Variants in SZRD1 observed in about 807,000 individuals in gnomAD.
SZRD1 encodes the protein SUZ RNA-binding domain-containing.
Under a neutral mutation model 17.6 loss-of-function variants are expected in SZRD1, and 7 were observed. The observed-to-expected ratio is 0.40, with a 90% CI of 0.23 to 0.75. The LOEUF is 0.75. SZRD1 is among the 30% of genes least tolerant of loss of function. The pLI, the probability that SZRD1 is intolerant of heterozygous loss-of-function variation, is 0.38. For missense variants in SZRD1, 178 were observed against 201.8 expected (o/e 0.88, Z 0.71); for synonymous variants, 77 against 77.9 (o/e 0.99, Z 0.06).
intron 1 of SZRD1, among the ~76,000 whole-genome samples, chr1:16,368,231 C>G (rs1319420447): frequency 6.6e-6 from 1 of 151,920 alleles, no homozygotes; most frequent in African/African-American, 2.4e-5. Context: ...TTTTTGTCTC[C>G]CCGTGTTCGC....
chr1:16,395,137 A>T lies in SZRD1; in HGVS notation c.456A>T (p.Arg152Ser), dbSNP rs775748567. 4.3e-6 allele frequency: 7 copies of T among 1,610,224 alleles called. No individual in the cohort carries two copies. In the Admixed American group the frequency reaches 1.0e-4, roughly 23 times the overall value. ...PDGSQGFKQRR is the reference protein window; with the variant it reads ...PDGSQGFKQRS ...GGTCTCAAGGCTTCAAACAGCGCAGATAAATGCAGGCAAGAAAAGATGCCG... is the reference window on the plus strand; with the variant it reads ...GGTCTCAAGGCTTCAAACAGCGCAGTTAAATGCAGGCAAGAAAAGATGCCG... The change falls in exon 4 of 4, where the codon AGA (arginine) becomes AGT (serine). Residue 152 changes from arginine (R) to serine (S), a missense_variant. Coordinates refer to ENST00000401088, the MANE Select transcript of SZRD1 (RefSeq NM_001114600.3).
chr1:16,390,657 G>GT (rs2085208436), intron 1 of SZRD1: 1 of 152,260 alleles, frequency 6.6e-6, no homozygotes, highest in East Asian at 1.9e-4. Context: ...GTTCAAGTCC[G>GT]TAACAGTAAA....
chr1:16,393,254 T>C lies in SZRD1; in HGVS notation c.128T>C (p.Val43Ala). 1.2e-6 allele frequency: 2 copies of C among 1,614,140 alleles called. No homozygotes were observed. Among genetic ancestry groups the C allele is most frequent in the Non-Finnish European group, 1.7e-6 (2 of 1,179,994 alleles). The stretch of plus-strand genomic sequence containing the variant: ...AGGAAATCCAAATCTCCTCCCAAAG[T>C]GCCCATTGTGATTCAGGACGATAGC... ...ESRKSKSPPKVPIVIQDDSLP... is the reference protein window; with the variant it reads ...ESRKSKSPPKAPIVIQDDSLP... The change falls in exon 3 of 4, where the codon GTG becomes GCG. Residue 43 changes from valine to alanine, a missense_variant. By Grantham distance (64) the Val-to-Ala change is moderately conservative. Around this residue, in one of 3 missense-constraint regions of SZRD1, gnomAD observed 117 missense variants for 108.7 expected, o/e 1.08. Transcript: ENST00000401088. This position sits in a 1 kb window ranked among gnomAD's most constrained non-coding sequence, Gnocchi z 5.6.
At position 16,391,551 on chromosome 1, in the gene SZRD1, C is replaced by T; in HGVS notation, c.101+127C>T. The T allele has an allele frequency of 2.6e-6, 2 of 783,558 alleles. No individual in the cohort carries two copies. The highest frequency in any genetic ancestry group is 4.1e-6 in the Non-Finnish European group (2 of 482,808). 48.5% of individuals were successfully genotyped at this position (783,558 alleles called of 1,614,324 possible). A position where few individuals can be genotyped will look rare whatever the true frequency, so the allele number is the denominator to read the frequency against. ...CAGGTCAGGCTCTGGGGCAGCAAAC[C>T]CTTCCCTCCAAATTGGAGACCAGGA... On this transcript the variant is annotated intron_variant, in intron 2 of 3. Transcript: ENST00000401088. This position sits in a 1 kb window ranked among gnomAD's most constrained non-coding sequence, Gnocchi z 4.3.
intron 2 of SZRD1, among the ~76,000 whole-genome samples, chr1:16,392,095 C>T (rs934322727): frequency 1.3e-5 from 2 of 152,092 alleles, no homozygotes; most frequent in African/African-American, 2.4e-5. Context: ...GTGCTCTGCC[C>T]GCCCGCTAGT....
rs759313516 is a variant in SZRD1 at position 16,393,805 on chromosome 1, G to T, written c.356+323G>T. Among the ~76,000 whole-genome samples the T allele has an allele frequency of 3.9e-5, 6 of 152,196 alleles. No homozygotes were observed. The highest frequency in any genetic ancestry group is 7.3e-5 in the Non-Finnish European group (5 of 68,034). On this transcript the variant is annotated intron_variant, in intron 3 of 3. Coordinates refer to ENST00000401088, the MANE Select transcript of SZRD1 (RefSeq NM_001114600.3). This position sits in a 1 kb window ranked among gnomAD's most constrained non-coding sequence, Gnocchi z 5.6. ...AAATCTGCCTCTTACCTCTTCTTTA[G>T]AACGACTTGACCTCTCTGGGCCTTA...
In SZRD1 at chr1:16,391,293, T is replaced by C; in HGVS notation, c.52-82T>C. The C allele has an allele frequency of 9.8e-7, 1 of 1,017,594 alleles. No homozygotes were observed. The highest frequency in any genetic ancestry group is 1.4e-5 in the South Asian group (1 of 68,984). 63.0% of individuals were successfully genotyped at this position (1,017,594 alleles called of 1,614,324 possible). ...ATGTCCCTGGCTAGAGAAAGGACAC[T>C]GCCCTTAGCTCCAAAAATAAAGACT... is the stretch of plus-strand genomic sequence containing the variant. On this transcript the variant is annotated intron_variant, in intron 1 of 3. Transcript: ENST00000401088. The surrounding 1 kb of genome is among the most constrained non-coding windows in gnomAD (Gnocchi z 4.3).
chr1:16,393,219 C>CTT lies in SZRD1; in HGVS notation c.102-7_102-6dup. 5 of 1,613,254 alleles carry CTT rather than the reference C, an allele frequency of 3.1e-6. No homozygotes were observed. Among genetic ancestry groups the CTT allele is most frequent in the Non-Finnish European group, 4.2e-6 (5 of 1,179,372 alleles). ...CATGATTTGTGAAGCTGTGTTTGCT[C>CTT]TTTGTCAGCAGGAAATCCAAATCTC... On this transcript the variant is annotated splice_polypyrimidine_tract_variant and intron_variant, in intron 2 of 3. Transcript: ENST00000401088. This position sits in a 1 kb window ranked among gnomAD's most constrained non-coding sequence, Gnocchi z 5.6.
chr1:16,371,051 C>G (rs1000157345), intron 1 of SZRD1, among the ~76,000 whole-genome samples: 3 of 152,112 alleles, frequency 2.0e-5, no homozygotes, highest in African/African-American at 7.2e-5. Context: ...GCTTTGAATA[C>G]CCTACTCCAA....
intron 1 of SZRD1, among the ~76,000 whole-genome samples, chr1:16,386,094 C>T (rs552779546): frequency 6.6e-5 from 10 of 152,326 alleles, no homozygotes; most frequent in South Asian, 2.1e-4. Flanking sequence ...GATTTGGACC[C>T]GGAACACAGA....
rs576038938 is a variant in SZRD1 at position 16,376,748 on chromosome 1, A to G, written c.51+9440A>G. ...TTGAACTTGGGAGGCAGAGGTTGCA[A>G]TGAGCTGAGATTGTGTCACTGCACT... On this transcript the variant is annotated intron_variant, in intron 1 of 3. Transcript: ENST00000401088. Among the ~76,000 whole-genome samples the G allele has an allele frequency of 2.0e-5, 3 of 147,194 alleles. No individual in the cohort carries two copies. In the South Asian group the frequency reaches 6.8e-4, roughly 33 times the overall value.
intron 2 of SZRD1, among the ~76,000 whole-genome samples, chr1:16,392,534 A>T (rs1188442875): frequency 6.6e-6 from 1 of 152,072 alleles, no homozygotes; most frequent in African/African-American, 2.4e-5. Context: ...ATTGCCAAGC[A>T]CTGTTTCTAG....
chr1:16,391,199 C>A lies in SZRD1; in HGVS notation c.52-176C>A, dbSNP rs998165159. ...GCCATGGGGCTAGAAGGGAGATGGA[C>A]CTGCAGAGGGTATCAGGTCCCCAAA... On this transcript the variant is annotated intron_variant, in intron 1 of 3. Coordinates refer to ENST00000401088, the MANE Select transcript of SZRD1 (RefSeq NM_001114600.3). The surrounding 1 kb of genome is among the most constrained non-coding windows in gnomAD (Gnocchi z 4.3). Among the ~76,000 whole-genome samples the A allele has an allele frequency of 6.6e-6, 1 of 152,000 alleles. No individual in the cohort carries two copies. The highest frequency in any genetic ancestry group is 1.5e-5 in the Non-Finnish European group (1 of 68,012).
intron 1 of SZRD1, among the ~76,000 whole-genome samples, chr1:16,381,956 A>G (rs2100722261): frequency 6.6e-6 from 1 of 152,182 alleles, no homozygotes; most frequent in South Asian, 2.1e-4. Flanking sequence ...AAGCTGGTTG[A>G]AGTGCGTTCT....
intron 1 of SZRD1, among the ~76,000 whole-genome samples, chr1:16,373,988 G>A (rs2082955831): frequency 1.3e-5 from 2 of 152,258 alleles, no homozygotes; most frequent in South Asian, 4.1e-4. Context: ...AAGTGTGACT[G>A]CCGCTTCACT....
intron 1 of SZRD1, among the ~76,000 whole-genome samples, chr1:16,383,820 A>T (rs547643284): frequency 5.0e-4 from 75 of 151,416 alleles, no homozygotes; most frequent in Admixed American, 9.2e-4. Context: ...GGGTTTCACC[A>T]TGTTGGCCAG....
In SZRD1 at chr1:16,393,167, C is replaced by T; in HGVS notation, c.102-61C>T. The T allele has an allele frequency of 3.8e-6, 6 of 1,583,748 alleles. No individual in the cohort carries two copies. The highest frequency in any genetic ancestry group is 2.2e-5 in the East Asian group (1 of 44,540). ...AAAGTGATGAGAGGTGGGTGTGGGACATGGACAGGGCCTCCTTAGTCAGGA... is the reference window on the plus strand; with the variant it reads ...AAAGTGATGAGAGGTGGGTGTGGGATATGGACAGGGCCTCCTTAGTCAGGA... On this transcript the variant is annotated intron_variant, in intron 2 of 3. Transcript: ENST00000401088. This position sits in a 1 kb window ranked among gnomAD's most constrained non-coding sequence, Gnocchi z 5.6.
chr1:16,367,262 A>G lies in SZRD1; in HGVS notation c.5A>G (p.Glu2Gly), dbSNP rs1189164309. 6.5e-7 allele frequency: 1 copy of G among 1,548,584 alleles called. No homozygotes were observed. Among genetic ancestry groups the G allele is most frequent in the Non-Finnish European group, 8.7e-7 (1 of 1,146,476 alleles). The change falls in exon 1 of 4, where the codon GAA becomes GGA. Residue 2 changes from glutamate to glycine, a missense_variant. Transcript: ENST00000401088. M[E>G]DEEVAESWEE... is the part of the protein sequence containing the mutation. ...GGAGGGAAAGCGGCGAGTAAGATGG[A>G]AGATGAGGAGGTCGCTGAGAGCTGG...
chr1:16,369,342 A>G (rs891659852), intron 1 of SZRD1: 5 of 779,042 alleles, frequency 6.4e-6, no homozygotes, highest in African/African-American at 1.7e-5. Context: ...TACTCCTTTC[A>G]ATGGTCGCCA....
Sources: allele counts gnomAD v4.1 joint callset (sites outside exome capture counted in the v4.1 genomes callset), GRCh38; gene constraint gnomAD v4.1.1; regional missense constraint gnomAD v4.1.1; non-coding constraint Gnocchi (gnomAD v3.1); transcripts MANE v1.5; gene names NCBI Gene and HGNC (gene_info 2026-07-23, HGNC 2026-07-21).